Variants in HTRA1 observed in about 807,000 individuals in gnomAD.
The protein encoded by HTRA1 is serine protease HTRA1.
Under a neutral mutation model 49.7 loss-of-function variants are expected in HTRA1, and 26 were observed. That is an observed-to-expected ratio of 0.52 (90% CI 0.38 to 0.73). HTRA1 has a LOEUF of 0.73. HTRA1 is among the 30% of genes least tolerant of loss of function. The pLI is 0.00. For missense variants in HTRA1, 561 were observed against 667.2 expected, an observed-to-expected ratio of 0.84 and a Z score of 1.75; for synonymous variants, 291 against 286.9, an observed-to-expected ratio of 1.01 and a Z score of -0.14.
At chr10:122,486,174 T>C (rs147941311) in intron 1 of HTRA1, among the ~76,000 whole-genome samples, 77 of 152,274 alleles carry the variant, frequency 5.1e-4, no homozygotes, top group Non-Finnish European at 8.2e-4. Flanking sequence ...ACTTATACTC[T>C]CTATTAAGAA....
chr10:122,485,171 T>A (rs1300738458), intron 1 of HTRA1, among the ~76,000 whole-genome samples: 1 of 152,260 alleles, frequency 6.6e-6, no homozygotes, highest in Non-Finnish European at 1.5e-5. Context: ...TTCTTCTTCT[T>A]TCAGTTGACA....
intron 3 of HTRA1, among the ~76,000 whole-genome samples, chr10:122,504,566 TC>T (rs1169301755): frequency 6.6e-6 from 1 of 152,106 alleles, no homozygotes; most frequent in Non-Finnish European, 1.5e-5. Context: ...TGCCACCCCA[TC>T]CCTTTACCTG....
At chr10:122,462,263 GCCCCGGGGTGGCGGATTT>G in intron 1 of HTRA1, 139 bp downstream of exon 1, 7 of 765,692 alleles carry the variant, frequency 9.1e-6, no homozygotes, top group Non-Finnish European at 1.3e-5. Context: ...AGGCAGGTGG[GCCCCGGGGTGGCGGATTT>G]CCGCGGGCTG....
At chr10:122,476,710 G>A (rs995236120) in intron 1 of HTRA1, among the ~76,000 whole-genome samples, 14 of 152,154 alleles carry the variant, frequency 9.2e-5, no homozygotes, top group Admixed American at 7.2e-4. Context: ...AGGTGGGGGG[G>A]CCTTCCGCTG....
chr10:122,510,380 A>C (rs558929391), intron 7 of HTRA1, among the ~76,000 whole-genome samples: 1 of 152,328 alleles, frequency 6.6e-6, no homozygotes, highest in Non-Finnish European at 1.5e-5. Context: ...CACTGGCAGC[A>C]GGCCCTCCGG....
chr10:122,499,867 T>C (rs572912080), intron 3 of HTRA1, among the ~76,000 whole-genome samples: 23 of 152,356 alleles, frequency 1.5e-4, no homozygotes, highest in African/African-American at 4.8e-4. Context: ...GAAGCAAACT[T>C]GAACCAACAC....
chr10:122,508,449 G>A, intron 5 of HTRA1, among the ~76,000 whole-genome samples: 1 of 152,264 alleles, frequency 6.6e-6, no homozygotes, highest in Admixed American at 6.5e-5. Context: ...CCTGGAGTAT[G>A]TGCGATTCTT....
intron 1 of HTRA1, among the ~76,000 whole-genome samples, chr10:122,484,029 T>G (rs1052432276): frequency 3.9e-5 from 6 of 152,214 alleles, no homozygotes; most frequent in Non-Finnish European, 8.8e-5. Flanking sequence ...CTTTCCAATC[T>G]CTATGCCTTT....
In HTRA1 at chr10:122,506,753, C is replaced by A. The variant is rs141925572; in HGVS notation, c.840C>A (p.Val280=). ...SSELRPGEFV[V]AIGSPFSLQN... ...AGCTGCGGCCGGGAGAGTTCGTGGT[C>A]GCCATCGGAAGCCCGTTTTCCCTTC... Residue 280 remains valine (V), a synonymous_variant, in exon 4 of 9, where the codon GTC becomes GTA. Transcript: ENST00000368984. This position sits in a 1 kb window ranked among gnomAD's most constrained non-coding sequence, Gnocchi z 5.2. The A allele has an allele frequency of 3.7e-6, 6 of 1,613,618 alleles. No individual in the cohort carries two copies. Among genetic ancestry groups the A allele is most frequent in the Non-Finnish European group, 5.1e-6 (6 of 1,180,042 alleles).
chr10:122,501,826 T>C (rs896624114), intron 3 of HTRA1, among the ~76,000 whole-genome samples: 1 of 152,002 alleles, frequency 6.6e-6, no homozygotes, highest in Non-Finnish European at 1.5e-5. Context: ...CTTGTGGCTG[T>C]GAGAACAGGC....
chr10:122,480,536 G>A (rs563980224), intron 1 of HTRA1, among the ~76,000 whole-genome samples: 67 of 152,318 alleles, frequency 4.4e-4, no homozygotes, highest in African/African-American at 1.5e-3. Context: ...CTAAAGTGAA[G>A]CCCCCATGCT....
At chr10:122,466,603 T>C (rs1017558443) in intron 1 of HTRA1, among the ~76,000 whole-genome samples, 1 of 152,246 alleles carries the variant, frequency 6.6e-6, no homozygotes, top group African/African-American at 2.4e-5. Flanking sequence ...AGGTAACTTA[T>C]ATTCAATACA....
rs754645487 is a variant in HTRA1, at chr10:122,462,103, C to A, written c.451C>A (p.Gln151Lys). 3.3e-4 allele frequency: 507 copies of A among 1,533,602 alleles called. 1 individual carries two copies. The highest frequency in any genetic ancestry group is 4.1e-4 in the Non-Finnish European group (469 of 1,146,058). 95.0% of individuals were successfully genotyped at this position (1,533,602 alleles called of 1,614,324 possible). ...GCACCGGCCGCCGGTCATCGTCCTGCAGCGCGGAGCCTGCGGCCAAGGTAC... is the reference window on the plus strand; with the variant it reads ...GCACCGGCCGCCGGTCATCGTCCTGAAGCGCGGAGCCTGCGGCCAAGGTAC... ...RLHRPPVIVL[Q>K]RGACGQGQED... is the part of the protein sequence containing the mutation. The change falls in exon 1 of 9, where the codon CAG becomes AAG. Residue 151 changes from glutamine (Q) to lysine (K), a missense_variant. Coordinates refer to ENST00000368984, the MANE Select transcript of HTRA1 (RefSeq NM_002775.5).
intron 7 of HTRA1, 44 bp downstream of exon 7, chr10:122,510,197 C>A (rs909348936): frequency 1.9e-6 from 3 of 1,553,666 alleles, no homozygotes; most frequent in Non-Finnish European, 2.7e-6. Context: ...TTTTAATAAA[C>A]CTGAACTTCA....
In HTRA1 at chr10:122,490,918, G is replaced by A. The variant is rs1450751854; in HGVS notation, c.777+1292G>A. Among the ~76,000 whole-genome samples the A allele has an allele frequency of 6.6e-6, 1 of 152,200 alleles. No individual in the cohort carries two copies. Among genetic ancestry groups the A allele is most frequent in the Middle Eastern group, 3.4e-3 (1 of 294 alleles). ...AACACATTTACTACCCTCCTTCCCC[G>A]ATGTTCCTGTAGCTTCTCTATGGCT... On this transcript the variant is annotated intron_variant, in intron 3 of 8. Coordinates refer to ENST00000368984, the MANE Select transcript of HTRA1 (RefSeq NM_002775.5). The surrounding 1 kb of genome is among the most constrained non-coding windows in gnomAD (Gnocchi z 4.2).
intron 1 of HTRA1, among the ~76,000 whole-genome samples, chr10:122,477,264 G>A (rs1453048032): frequency 3.9e-5 from 6 of 152,150 alleles, no homozygotes; most frequent in African/African-American, 1.4e-4. Flanking sequence ...ACCATGCCCG[G>A]CCTGTAGTTA....
intron 3 of HTRA1, among the ~76,000 whole-genome samples, chr10:122,497,355 G>T (rs1258165152): frequency 6.6e-6 from 1 of 152,134 alleles, no homozygotes; most frequent in East Asian, 1.9e-4. Context: ...TATAGAAGAG[G>T]TTATACATGT....
Position 122,504,083 on chromosome 10 carries a change from G to A in HTRA1, c.778-2608G>A, listed in dbSNP as rs561105228. On this transcript the variant is annotated intron_variant, in intron 3 of 8. Coordinates refer to ENST00000368984, the MANE Select transcript of HTRA1 (RefSeq NM_002775.5). ...ACGGGGTGCTCTGGGCCCCATTTTC[G>A]GCAGCAGGCAGCGTCCCCTGGAGGC... Among the ~76,000 whole-genome samples, 201 of 152,222 alleles carry A rather than the reference G, an allele frequency of 1.3e-3. 2 individuals are homozygous for A. The Middle Eastern group carries it at 0.014, about 10-fold the overall frequency.
chr10:122,496,578 T>C (rs996444210), intron 3 of HTRA1, among the ~76,000 whole-genome samples: 3 of 152,076 alleles, frequency 2.0e-5, no homozygotes, highest in African/African-American at 7.2e-5. Flanking sequence ...AAAGTAAATA[T>C]GGCGATAAGT....
Sources: allele counts gnomAD v4.1 joint callset (sites outside exome capture counted in the v4.1 genomes callset), GRCh38; gene constraint gnomAD v4.1.1; non-coding constraint Gnocchi (gnomAD v3.1); transcripts MANE v1.5; gene names NCBI Gene and HGNC (gene_info 2026-07-23, HGNC 2026-07-21).